OSBPL5: variants seen among roughly 807,000 people sequenced by gnomAD.
OSBPL5 encodes the protein oxysterol binding protein like 5, also known as oxysterol-binding protein-related protein 5.
In OSBPL5, 71 loss-of-function variants were observed where a neutral mutation model predicts 111.2. That is an observed-to-expected ratio of 0.64 (90% CI 0.53 to 0.78). The LOEUF (loss-of-function observed/expected upper bound fraction) is 0.78. Among genes scored for constraint, OSBPL5 ranks in the 30% least tolerant of loss-of-function variants. OSBPL5 has a pLI of 0.00. For missense variants in OSBPL5, 1,210 were observed against 1,189.3 expected, an observed-to-expected ratio of 1.02 and a Z score of -0.26; for synonymous variants, 549 against 513.9, an observed-to-expected ratio of 1.07 and a Z score of -0.93.
chr11:3,163,655 C>T (rs767661549), intron 1 of OSBPL5, among the ~76,000 whole-genome samples: 49 of 152,180 alleles, frequency 3.2e-4, no homozygotes, highest in Non-Finnish European at 6.3e-4. Context: ...GATGGCTGCC[C>T]GGGGTTCGAC....
chr11:3,155,642 C>G (rs999034684), intron 1 of OSBPL5, among the ~76,000 whole-genome samples: 3 of 150,034 alleles, frequency 2.0e-5, no homozygotes, highest in Non-Finnish European at 1.5e-5. Context: ...CTCACCCCAG[C>G]TCTGCCACTC....
Position 3,088,082 on chromosome 11 carries a change from C to G in OSBPL5, c.*123G>C, listed in dbSNP as rs569474271. On this transcript the variant is annotated 3_prime_UTR_variant, in exon 22 of 22. Transcript: ENST00000263650. ...TTGTGGCCCCGGGTCCCTCCTGCGC[C>G]TGGACTCCCCGTCACAGTGGCTGTG... is the stretch of plus-strand genomic sequence containing the variant. The G allele has an allele frequency of 1.0e-6, 1 of 997,616 alleles. No individual in the cohort carries two copies. The highest frequency in any genetic ancestry group is 1.7e-5 in the African/African-American group (1 of 60,074). 61.8% of individuals were successfully genotyped at this position (997,616 alleles called of 1,614,324 possible).
chr11:3,150,523 G>C (rs1846547043), intron 1 of OSBPL5, among the ~76,000 whole-genome samples: 1 of 152,158 alleles, frequency 6.6e-6, no homozygotes, highest in South Asian at 2.1e-4. Context: ...ACCATCTCAG[G>C]GGCAAGACAG....
rs1857896889 is a variant in OSBPL5, at chr11:3,110,744, C to T, written c.692-2799G>A. On this transcript the variant is annotated intron_variant, in intron 7 of 21. Coordinates refer to ENST00000263650, the MANE Select transcript of OSBPL5 (RefSeq NM_020896.4). The surrounding 1 kb of genome is among the most constrained non-coding windows in gnomAD (Gnocchi z 5.3). ...CATCAGAAACTCAAAAAAATGCAACCATCTTTCTCTTATCTACCTATGACC... is the reference window on the plus strand; with the variant it reads ...CATCAGAAACTCAAAAAAATGCAACTATCTTTCTCTTATCTACCTATGACC... Among the ~76,000 whole-genome samples the T allele has an allele frequency of 6.6e-6, 1 of 152,098 alleles. No individual in the cohort carries two copies. The highest frequency in any genetic ancestry group is 1.5e-5 in the Non-Finnish European group (1 of 68,022).
chr11:3,122,492 G>A (rs1284345280), intron 3 of OSBPL5, 64 bp from the exon 4 acceptor site: 12 of 1,512,980 alleles, frequency 7.9e-6, no homozygotes, highest in Non-Finnish European at 9.1e-6. Context: ...AGGAGCCCAG[G>A]TTGGCCTGAT....
At chr11:3,157,468 G>T (rs1846810005) in intron 1 of OSBPL5, among the ~76,000 whole-genome samples, 2 of 152,316 alleles carry the variant, frequency 1.3e-5, no homozygotes, top group South Asian at 4.1e-4. Flanking sequence ...TGGTACTGAG[G>T]CAGCACCCCG....
rs1857889360 is a variant in OSBPL5 at position 3,110,586 on chromosome 11, C to T, written c.692-2641G>A. ...GGTGTGAAAGGAAAATCTTGGGCCC[C>T]TCAAATCACTAAGCTAAAGGGAAAA... On this transcript the variant is annotated intron_variant, in intron 7 of 21. Transcript: ENST00000263650. The surrounding 1 kb of genome is among the most constrained non-coding windows in gnomAD (Gnocchi z 5.3). Among the ~76,000 whole-genome samples the T allele has an allele frequency of 6.6e-6, 1 of 152,130 alleles. No homozygotes were observed. The highest frequency in any genetic ancestry group is 2.4e-5 in the African/African-American group (1 of 41,426).
In OSBPL5 at chr11:3,103,758, TCTGCAGCC is replaced by T. The variant is rs1166785553; in HGVS notation, c.1244+427_1244+434del. Among the ~76,000 whole-genome samples the T allele has an allele frequency of 5.5e-3, 121 of 21,854 alleles. 1 individual carries two copies. The highest frequency in any genetic ancestry group is 8.5e-3 in the African/African-American group (84 of 9,850). 14.3% of individuals were successfully genotyped at this position (21,854 alleles called of 152,430 possible). A position where few individuals can be genotyped will look rare whatever the true frequency, so the allele number is the denominator to read the frequency against. ...CCTGCCTCTGCAACCCTCTTCCAGCTCTGCAGCCCCCTTCCAGCCTCTGCAGTCCCTTC... is the reference window on the plus strand; with the variant it reads ...CCTGCCTCTGCAACCCTCTTCCAGCTCCCTTCCAGCCTCTGCAGTCCCTTC... On this transcript the variant is annotated intron_variant, in intron 10 of 21. Coordinates refer to ENST00000263650, the MANE Select transcript of OSBPL5 (RefSeq NM_020896.4).
chr11:3,150,615 G>GA (rs1477965813), intron 1 of OSBPL5, among the ~76,000 whole-genome samples: 1 of 152,208 alleles, frequency 6.6e-6, no homozygotes, highest in African/African-American at 2.4e-5. Flanking sequence ...GAGCTCACTG[G>GA]AGAAACATGC....
rs188855405 is a variant in OSBPL5, at chr11:3,115,323, G to A, written c.691+4224C>T. ...ATTTTTTTTAAATCAAGGTTATTCC[G>A]TCCTTATATCTTCTTGTATGTGCTT... On this transcript the variant is annotated intron_variant, in intron 7 of 21. Coordinates refer to ENST00000263650, the MANE Select transcript of OSBPL5 (RefSeq NM_020896.4). 2.6e-4 allele frequency among the ~76,000 whole-genome samples: 40 copies of A among 152,208 alleles called. No homozygotes were observed. In the East Asian group the frequency reaches 3.5e-3, roughly 13 times the overall value.
chr11:3,129,306 TGGGAG>T, intron 1 of OSBPL5, 137 bp from the exon 2 acceptor site: 3 of 817,254 alleles, frequency 3.7e-6, no homozygotes, highest in Non-Finnish European at 5.1e-6. Context: ...GCCTGGGCCC[TGGGAG>T]CCTGGTGGTG....
chr11:3,107,216 G>T lies in OSBPL5; in HGVS notation c.1059+47C>A, dbSNP rs750623508. On this transcript the variant is annotated intron_variant, in intron 9 of 21. Transcript: ENST00000263650. This position sits in a 1 kb window ranked among gnomAD's most constrained non-coding sequence, Gnocchi z 6.1. ...GCTACCTCTGCTTCCGGAACAAGGG[G>T]CCGAGGCAGGGGAGACGCTTGGGGC... 6.3e-7 allele frequency: 1 copy of T among 1,581,868 alleles called. No individual in the cohort carries two copies. The highest frequency in any genetic ancestry group is 8.6e-7 in the Non-Finnish European group (1 of 1,165,522).
In OSBPL5 at chr11:3,105,449, C is replaced by T. The variant is rs1857660101; in HGVS notation, c.1060-1072G>A. Among the ~76,000 whole-genome samples, 1 of 152,172 alleles carries T rather than the reference C, an allele frequency of 6.6e-6. No individual in the cohort carries two copies. The highest frequency in any genetic ancestry group is 1.5e-5 in the Non-Finnish European group (1 of 68,006). ...ATGAGGGGTCATGGGGAGCCCAGTG[C>T]TGTAGCTTTGGGGCTTGGAAATCAT... On this transcript the variant is annotated intron_variant, in intron 9 of 21. Coordinates refer to ENST00000263650, the MANE Select transcript of OSBPL5 (RefSeq NM_020896.4). The surrounding 1 kb of genome is among the most constrained non-coding windows in gnomAD (Gnocchi z 5.2).
At chr11:3,156,425 C>G (rs899353805) in intron 1 of OSBPL5, among the ~76,000 whole-genome samples, 2 of 152,134 alleles carry the variant, frequency 1.3e-5, no homozygotes, top group Admixed American at 6.5e-5. Context: ...AGGATGTGAG[C>G]GGAAGTCAGT....
chr11:3,105,259 G>C lies in OSBPL5; in HGVS notation c.1060-882C>G, dbSNP rs536264278. ...GGCAGCTGCCCCAGGGAGCGGGCAA[G>C]ATGGAGTGTGGCCTGTGAGTCCTGC... On this transcript the variant is annotated intron_variant, in intron 9 of 21. Transcript: ENST00000263650. The surrounding 1 kb of genome is among the most constrained non-coding windows in gnomAD (Gnocchi z 5.2). 1.3e-5 allele frequency among the ~76,000 whole-genome samples: 2 copies of C among 152,344 alleles called. No individual in the cohort carries two copies. Among genetic ancestry groups the C allele is most frequent in the Middle Eastern group, 3.4e-3 (1 of 294 alleles).
chr11:3,135,575 C>A (rs1845928087), intron 1 of OSBPL5, among the ~76,000 whole-genome samples: 2 of 151,902 alleles, frequency 1.3e-5, no homozygotes, highest in African/African-American at 4.9e-5. Flanking sequence ...CCCAGACTCC[C>A]ACCCCTGCCT....
At chr11:3,120,354 A>C in intron 6 of OSBPL5, 67 bp downstream of exon 6, 4 of 1,537,422 alleles carry the variant, frequency 2.6e-6, no homozygotes, top group Non-Finnish European at 3.5e-6. Flanking sequence ...ACCCTCCACC[A>C]GGGCCCTAGG....
chr11:3,148,507 C>T (rs995521368), intron 1 of OSBPL5, among the ~76,000 whole-genome samples: 4 of 152,230 alleles, frequency 2.6e-5, no homozygotes, highest in Non-Finnish European at 4.4e-5. Flanking sequence ...GAGGTGAGTG[C>T]GGAGTCTCTT....
chr11:3,164,936 C>CCCCCGCCCCA (rs1847072740), intron 1 of OSBPL5, among the ~76,000 whole-genome samples: 2 of 151,498 alleles, frequency 1.3e-5, no homozygotes, highest in African/African-American at 4.9e-5. Flanking sequence ...TCGCGGGCCC[C>CCCCCGCCCCA]ACCCGCCCCA....
Sources: allele counts gnomAD v4.1 joint callset (sites outside exome capture counted in the v4.1 genomes callset), GRCh38; gene constraint gnomAD v4.1.1; non-coding constraint Gnocchi (gnomAD v3.1); transcripts MANE v1.5; gene names NCBI Gene and HGNC (gene_info 2026-07-23, HGNC 2026-07-21).